LRRC63: variants seen among roughly 807,000 people sequenced by gnomAD.
LRRC63 encodes leucine rich repeat containing 63.
In LRRC63, 40 loss-of-function variants were observed where a neutral mutation model predicts 49.5. The observed-to-expected ratio is 0.81, with a 90% CI of 0.63 to 1.05. The LOEUF (loss-of-function observed/expected upper bound fraction) is 1.05. Ranked by LOEUF, LRRC63 falls within the 50% of genes least tolerant of loss-of-function variation. The pLI is 0.00. For synonymous variants in LRRC63, 191 were observed against 221.1 expected, an observed-to-expected ratio of 0.86 and a Z score of 1.21; for missense variants, 636 against 663.1, an observed-to-expected ratio of 0.96 and a Z score of 0.45.
At chr13:46,246,871 A>G (rs1043295700) in intron 6 of LRRC63, among the ~76,000 whole-genome samples, 23 of 152,150 alleles carry the variant, frequency 1.5e-4, no homozygotes, top group Non-Finnish European at 2.9e-4. Flanking sequence ...TCATAATTCT[A>G]TAATGTATAT....
intron 2 of LRRC63, among the ~76,000 whole-genome samples, chr13:46,215,002 C>T (rs1235365826): frequency 6.6e-6 from 1 of 152,170 alleles, no homozygotes; most frequent in Non-Finnish European, 1.5e-5. Flanking sequence ...TTTCTTTATC[C>T]AGTCTATCAC....
chr13:46,244,730 A>G (rs994470050), intron 5 of LRRC63, among the ~76,000 whole-genome samples: 7 of 152,174 alleles, frequency 4.6e-5, no homozygotes, highest in African/African-American at 1.7e-4. Context: ...TGATTGTGCC[A>G]CTGGACTCCA....
intron 2 of LRRC63, among the ~76,000 whole-genome samples, chr13:46,219,067 C>T (rs1448301366): frequency 6.6e-6 from 1 of 152,154 alleles, no homozygotes; most frequent in African/African-American, 2.4e-5. Flanking sequence ...GTGAATCTGA[C>T]CATTATGTGT....
exon 1 of LRRC63, chr13:46,212,091 C>A (rs1446588611): frequency 6.6e-6 from 1 of 152,264 alleles, no homozygotes; most frequent in Non-Finnish European, 1.5e-5. Flanking sequence ...AGATAGGAGA[C>A]GAAAAGCCAG....
chr13:46,256,912 T>C (rs2047520686), intron 7 of LRRC63, among the ~76,000 whole-genome samples: 1 of 152,222 alleles, frequency 6.6e-6, no homozygotes, highest in Admixed American at 6.5e-5. Flanking sequence ...GTTCATATTC[T>C]ACCAGAACAT....
chr13:46,253,116 G>A (rs1300729355), intron 7 of LRRC63, among the ~76,000 whole-genome samples: 1 of 151,928 alleles, frequency 6.6e-6, no homozygotes, highest in Non-Finnish European at 1.5e-5. Context: ...CAATGGTAGT[G>A]AGCATGGAGA....
At chr13:46,250,878 T>G (rs2047360650) in intron 7 of LRRC63, among the ~76,000 whole-genome samples, 1 of 151,896 alleles carries the variant, frequency 6.6e-6, no homozygotes, top group Admixed American at 6.6e-5. Flanking sequence ...ATATTTGATC[T>G]GGAGAAAGTA....
At chr13:46,226,823 T>A (rs1369594303) in intron 2 of LRRC63, among the ~76,000 whole-genome samples, 1 of 152,204 alleles carries the variant, frequency 6.6e-6, no homozygotes, top group African/African-American at 2.4e-5. Flanking sequence ...AATGAATCTA[T>A]TATCTCCTCA....
chr13:46,241,274 AGAAGATT>A (rs1391465873), intron 5 of LRRC63, among the ~76,000 whole-genome samples: 5 of 152,238 alleles, frequency 3.3e-5, no homozygotes, highest in African/African-American at 4.8e-5. Flanking sequence ...AGCCATATGC[AGAAGATT>A]GAAACTGGAC....
chr13:46,241,243 A>G (rs907967419), intron 5 of LRRC63, among the ~76,000 whole-genome samples: 1 of 152,240 alleles, frequency 6.6e-6, no homozygotes, highest in African/African-American at 2.4e-5. Flanking sequence ...TATTCAATAA[A>G]TAGTGCTGGG....
chr13:46,256,866 T>C (rs1214329032), intron 7 of LRRC63, among the ~76,000 whole-genome samples: 2 of 152,176 alleles, frequency 1.3e-5, no homozygotes, highest in African/African-American at 4.8e-5. Context: ...TCTTTAGGGA[T>C]GAACTGTGAT....
At chr13:46,239,636 A>G (rs970740646) in intron 5 of LRRC63, among the ~76,000 whole-genome samples, 2 of 152,200 alleles carry the variant, frequency 1.3e-5, no homozygotes, top group African/African-American at 4.8e-5. Flanking sequence ...TAACTGATTC[A>G]GTGATGGCAG....
At chr13:46,223,440 G>T (rs2046468245) in intron 2 of LRRC63, among the ~76,000 whole-genome samples, 1 of 149,134 alleles carries the variant, frequency 6.7e-6, no homozygotes, top group African/African-American at 2.5e-5. Flanking sequence ...ATCTGTGAAG[G>T]ATAATTTTGC....
chr13:46,255,645 A>AAAAAAAAAAAAATATATATATATATAT (rs1555328641), intron 7 of LRRC63, among the ~76,000 whole-genome samples: 4 of 129,466 alleles, frequency 3.1e-5, no homozygotes, highest in African/African-American at 1.2e-4. Context: ...CCCTGCCTCA[A>AAAAAAAAAAAAATATATATATATATAT]ATATATATAT....
chr13:46,273,729 T>C (rs2047792177), intron 9 of LRRC63, among the ~76,000 whole-genome samples: 1 of 151,150 alleles, frequency 6.6e-6, no homozygotes, highest in Admixed American at 6.6e-5. Flanking sequence ...CTGGCCAACA[T>C]GGCAAAACCC....
chr13:46,212,987 C>G lies in LRRC63; in HGVS notation c.-33-15C>G. 1 of 1,254,728 alleles carries G rather than the reference C, an allele frequency of 8.0e-7. No homozygotes were observed. The highest frequency in any genetic ancestry group is 1.1e-6 in the Non-Finnish European group (1 of 896,930). 77.7% of individuals were successfully genotyped at this position (1,254,728 alleles called of 1,614,324 possible). A position where few individuals can be genotyped will look rare whatever the true frequency, so the allele number is the denominator to read the frequency against. The stretch of plus-strand genomic sequence containing the variant: ...AAACATATTCAAAACCTTTTCAATT[C>G]TCATTTAAACCAAGGATTATGAAAA... On this transcript the variant is annotated splice_polypyrimidine_tract_variant and intron_variant, in intron 1 of 9. Coordinates refer to ENST00000595396, the Ensembl canonical transcript of LRRC63.
chr13:46,271,418 G>A (rs556260227), intron 9 of LRRC63, among the ~76,000 whole-genome samples: 11 of 152,180 alleles, frequency 7.2e-5, no homozygotes, highest in Non-Finnish European at 1.5e-4. Flanking sequence ...TAGGGAAGAG[G>A]CTGGAGTGCA....
chr13:46,258,606 G>A (rs186724487), intron 7 of LRRC63, among the ~76,000 whole-genome samples: 2,212 of 150,066 alleles, frequency 0.015, 64 homozygotes, highest in African/African-American at 0.051. Context: ...TCAGGAGATC[G>A]AGACCATCCT....
chr13:46,260,540 A>C (rs886551372), intron 7 of LRRC63, among the ~76,000 whole-genome samples: 1 of 152,170 alleles, frequency 6.6e-6, no homozygotes, highest in African/African-American at 2.4e-5. Flanking sequence ...AGAAGCTCAT[A>C]ATTTTAGGAG....
Sources: gnomAD v4.1 joint callset for allele counts (sites outside exome capture counted in the v4.1 genomes callset) on GRCh38, gnomAD v4.1.1 for gene constraint, MANE v1.5 for transcripts, NCBI Gene and HGNC (gene_info 2026-07-23, HGNC 2026-07-21) for gene names.